ADAMTS13: variants seen among roughly 807,000 people sequenced by gnomAD.
The protein encoded by ADAMTS13 is ADAM metallopeptidase with thrombospondin type 1 motif 13.
A neutral mutation model predicts 155.1 loss-of-function variants in ADAMTS13; 110 were observed. The observed-to-expected ratio is 0.71, with a 90% CI of 0.61 to 0.83. ADAMTS13 has a LOEUF of 0.83. ADAMTS13 is among the 40% of genes least tolerant of loss of function. The pLI is 0.00. For missense variants in ADAMTS13, 1,707 were observed against 1,891.7 expected (o/e 0.90, Z 1.81); for synonymous variants, 758 against 756.4 (o/e 1.00, Z -0.03).
upstream of ADAMTS13, chr9:133,418,047 G>C (rs1013278584): frequency 6.8e-6 from 4 of 584,156 alleles, no homozygotes; most frequent in Non-Finnish European, 9.0e-6. Flanking sequence ...GGAAGCGCTC[G>C]TCTCTCCACA....
rs77908628 is a variant in ADAMTS13, at chr9:133,428,039, C to T, written c.687-595C>T. On this transcript the variant is annotated intron_variant, in intron 6 of 28. Transcript: ENST00000355699. ...TGGTCCAGTGTCCAAGCGGGGCCTC[C>T]AGAGTGGAGTCCACCTCCTACCTCA... Among the ~76,000 whole-genome samples, 392 of 152,286 alleles carry T rather than the reference C, an allele frequency of 2.6e-3. 2 individuals are homozygous for T. Among genetic ancestry groups the T allele is most frequent in the East Asian group, 0.02 (106 of 5,172 alleles).
At chr9:133,423,905 C>T (rs1460824059) in intron 2 of ADAMTS13, among the ~76,000 whole-genome samples, 1 of 152,230 alleles carries the variant, frequency 6.6e-6, no homozygotes, top group Non-Finnish European at 1.5e-5. Context: ...TCTAAGGGCT[C>T]CCTTGGGAGA....
At position 133,448,731 on chromosome 9, in the gene ADAMTS13, G is replaced by GGCAGTACAAGCTGGCGGCCTGC; in HGVS notation, c.2861+3_2861+4insGCAGTACAAGCTGGCGGCCTGC. ...CAGGCTGTCCCGTGCCCTGCTCGGT[G>GGCAGTACAAGCTGGCGGCCTGC]AGTGAGGGGAGCAAGACTGTGTGCT... On this transcript the variant is annotated splice_donor_region_variant and intron_variant, in intron 22 of 28. Coordinates refer to ENST00000355699, the MANE Select transcript of ADAMTS13 (RefSeq NM_139027.6). The GGCAGTACAAGCTGGCGGCCTGC allele has an allele frequency of 6.3e-7, 1 of 1,599,792 alleles. No homozygotes were observed. The highest frequency in any genetic ancestry group is 8.5e-7 in the Non-Finnish European group (1 of 1,179,668).
At position 133,457,580 on chromosome 9, in the gene ADAMTS13, G is replaced by A. The variant is rs147596177; in HGVS notation, c.3725-330G>A. On this transcript the variant is annotated intron_variant, in intron 27 of 28. Transcript: ENST00000355699. Reference sequence around the variant, plus strand: ...TGAGCTCTGAGGAACAGCAGTGGCCGCCATGGGTGGAGCCTATCTTTGTTG... The same window carrying A: ...TGAGCTCTGAGGAACAGCAGTGGCCACCATGGGTGGAGCCTATCTTTGTTG... Among the ~76,000 whole-genome samples the A allele has an allele frequency of 4.9e-4, 74 of 152,376 alleles. No individual in the cohort carries two copies. The East Asian group carries it at 5.4e-3, about 11-fold the overall frequency.
In ADAMTS13 at chr9:133,449,407, T is replaced by C. The variant is rs1172546015; in HGVS notation, c.2862-376T>C. 8.6e-5 allele frequency among the ~76,000 whole-genome samples: 11 copies of C among 127,264 alleles called. No individual in the cohort carries two copies. The East Asian group carries it at 2.9e-3, about 33-fold the overall frequency. 83.5% of individuals were successfully genotyped at this position (127,264 alleles called of 152,430 possible). A position where few individuals can be genotyped will look rare whatever the true frequency, so the allele number is the denominator to read the frequency against. ...GTTTGATGGATGGTGTTCAGTGCGA[T>C]GCAGCCAAACACAGCGGGAGGGGAG... On this transcript the variant is annotated intron_variant, in intron 22 of 28. Coordinates refer to ENST00000355699, the MANE Select transcript of ADAMTS13 (RefSeq NM_139027.6).
At chr9:133,414,434 A>G (rs1251340561) in exon 1 of ADAMTS13, 17 of 690,890 alleles carry the variant, frequency 2.5e-5, no homozygotes, top group Non-Finnish European at 4.5e-5. Context: ...ACACACGTGT[A>G]CTGGCACCCA....
intron 14 of ADAMTS13, among the ~76,000 whole-genome samples, chr9:133,438,590 T>C (rs961525634): frequency 3.9e-5 from 6 of 152,008 alleles, no homozygotes; most frequent in Admixed American, 3.9e-4. Flanking sequence ...GCCTCAGTAA[T>C]GGTCACTCAC....
chr9:133,422,113 G>T, upstream of ADAMTS13: 1 of 366,802 alleles, frequency 2.7e-6, no homozygotes, highest in Non-Finnish European at 4.9e-6. Flanking sequence ...TGGGTTTCTG[G>T]TCCAGTGTCC....
rs782279962 is a variant in ADAMTS13 at position 133,436,907 on chromosome 9, G to C, written c.1387G>C (p.Gly463Arg). ...CGGCCAGCCGCTGCGCTCCTCCCCTGGCGGCGCCTCCTTCTACCACTGGGG... is the reference window on the plus strand; with the variant it reads ...CGGCCAGCCGCTGCGCTCCTCCCCTCGCGGCGCCTCCTTCTACCACTGGGG... ...TDGQPLRSSP[G>R]GASFYHWGAA... The change falls in exon 12 of 29, where the codon GGC becomes CGC. Residue 463 changes from glycine (G) to arginine (R), a missense_variant. Around this residue, in one of 3 missense-constraint regions of ADAMTS13, gnomAD observed 733 missense variants for 749.6 expected, o/e 0.98. Transcript: ENST00000355699. 18 of 1,589,196 alleles carry C rather than the reference G, an allele frequency of 1.1e-5. No homozygotes were observed. Among genetic ancestry groups the C allele is most frequent in the Admixed American group, 3.6e-5 (2 of 56,070 alleles).
chr9:133,415,069 T>C (rs1839493967), intron 1 of ADAMTS13: 18 of 1,425,210 alleles, frequency 1.3e-5, no homozygotes, highest in Non-Finnish European at 1.6e-5. Context: ...ACACAGCAGA[T>C]TGAAAAAACT....
At chr9:133,419,546 C>CGAAG (rs1554782555), upstream of ADAMTS13, among the ~76,000 whole-genome samples, 1 of 151,902 alleles carries the variant, frequency 6.6e-6, no homozygotes, top group Non-Finnish European at 1.5e-5. Flanking sequence ...TCTCCAGGGG[C>CGAAG]GAAGCAGCAG....
At chr9:133,447,363 C>A (rs1230447858) in intron 21 of ADAMTS13, among the ~76,000 whole-genome samples, 1 of 152,130 alleles carries the variant, frequency 6.6e-6, no homozygotes, top group Non-Finnish European at 1.5e-5. Flanking sequence ...ACAATCTTAG[C>A]TCACTACAAC....
At position 133,456,407 on chromosome 9, in the gene ADAMTS13, T is replaced by C; in HGVS notation, c.3548-136T>C. 1 of 1,372,802 alleles carries C rather than the reference T, an allele frequency of 7.3e-7. No individual in the cohort carries two copies. The highest frequency in any genetic ancestry group is 1.3e-5 in the South Asian group (1 of 78,414). The allele number at this position is 1,372,802 out of a possible 1,614,324, so 85.0% of individuals were successfully genotyped here. A position where few individuals can be genotyped will look rare whatever the true frequency, so the allele number is the denominator to read the frequency against. On this transcript the variant is annotated intron_variant, in intron 26 of 28. Transcript: ENST00000355699. This position sits in a 1 kb window ranked among gnomAD's most constrained non-coding sequence, Gnocchi z 4.4. ...ACTGAGGCTAGGAGAGATTAAGTGATGTGCCCAGTTACTTAGAGTCACATA... is the reference window on the plus strand; with the variant it reads ...ACTGAGGCTAGGAGAGATTAAGTGACGTGCCCAGTTACTTAGAGTCACATA...
chr9:133,429,869 C>T, intron 7 of ADAMTS13, 70 bp from the exon 8 acceptor site: 1 of 1,527,684 alleles, frequency 6.5e-7, no homozygotes, highest in Non-Finnish European at 8.8e-7. Context: ...CTCGTGCCCA[C>T]TCCTCCGTCC....
Position 133,425,872 on chromosome 9 carries a change from C to A in ADAMTS13, c.415-66C>A. Reference sequence around the variant, plus strand: ...TTAGGAGGACTAACTGGGAAACAAACCGACCGCAGTCAGCACCGTGCCTGG... The same window carrying A: ...TTAGGAGGACTAACTGGGAAACAAAACGACCGCAGTCAGCACCGTGCCTGG... On this transcript the variant is annotated intron_variant, in intron 4 of 28. Transcript: ENST00000355699. The surrounding 1 kb of genome is among the most constrained non-coding windows in gnomAD (Gnocchi z 4.6). 1 of 1,603,724 alleles carries A rather than the reference C, an allele frequency of 6.2e-7. No individual in the cohort carries two copies. The highest frequency in any genetic ancestry group is 8.5e-7 in the Non-Finnish European group (1 of 1,177,574).
chr9:133,438,511 C>T, intron 14 of ADAMTS13, 145 bp downstream of exon 14: 2 of 1,296,312 alleles, frequency 1.5e-6, no homozygotes, highest in East Asian at 2.5e-5. Flanking sequence ...GTCAGCGTCT[C>T]CCTCTTCCAC....
chr9:133,453,517 C>T (rs1316853952), intron 23 of ADAMTS13, among the ~76,000 whole-genome samples: 1 of 151,894 alleles, frequency 6.6e-6, no homozygotes, highest in African/African-American at 2.4e-5. Flanking sequence ...CAAAAATTAG[C>T]CAGGCATGAT....
At chr9:133,448,479 G>A in intron 21 of ADAMTS13, 120 bp from the exon 22 acceptor site, 5 of 1,336,730 alleles carry the variant, frequency 3.7e-6, no homozygotes, top group Non-Finnish European at 5.3e-6. Flanking sequence ...GCTGGTAAGT[G>A]GCAGAGCCGG....
In ADAMTS13 at chr9:133,428,762, G is replaced by T; in HGVS notation, c.815G>T (p.Ser272Ile). 7.4e-7 allele frequency: 1 copy of T among 1,346,964 alleles called. No homozygotes were observed. The allele number at this position is 1,346,964 out of a possible 1,614,324, so 83.4% of individuals were successfully genotyped here. Residue 272 changes from serine to isoleucine, a missense_variant, in exon 7 of 29, where the codon AGC becomes ATC. Physicochemically the swap from Ser to Ile is moderately radical, Grantham distance 142 (BLOSUM62 -2). Coordinates refer to ENST00000355699, the MANE Select transcript of ADAMTS13 (RefSeq NM_139027.6). ...CCCTGCAGCCGCCGGCAGCTGCTGA[G>T]CCTGCTCAGGTAGCGGCCGCCCCGT... ...WSPCSRRQLL[S>I]LLSAGRARCV...
Sources: gnomAD v4.1 joint callset for allele counts (sites outside exome capture counted in the v4.1 genomes callset) on GRCh38, gnomAD v4.1.1 for gene constraint, gnomAD v4.1.1 regional missense constraint, Gnocchi (gnomAD v3.1) non-coding constraint, MANE v1.5 for transcripts, NCBI Gene and HGNC (gene_info 2026-07-23, HGNC 2026-07-21) for gene names.